Variants in NRXN3 observed in about 807,000 individuals in gnomAD.
NRXN3 encodes neurexin 3, also known as neurexin III.
In NRXN3, 32 loss-of-function variants were observed where a neutral mutation model predicts 137.6. That is an observed-to-expected ratio of 0.23 (90% CI 0.18 to 0.31). The LOEUF is 0.31. Ranked by LOEUF, NRXN3 falls within the 10% of genes least tolerant of loss-of-function variation. The pLI is 1.00. For missense variants in NRXN3, 1,574 were observed against 2,062.5 expected, an observed-to-expected ratio of 0.76 and a Z score of 4.59; for synonymous variants, 798 against 784.5, an observed-to-expected ratio of 1.02 and a Z score of -0.29.
chr14:79,359,209 A>G (rs910499572), intron 15 of NRXN3, among the ~76,000 whole-genome samples: 2 of 152,168 alleles, frequency 1.3e-5, no homozygotes, highest in Admixed American at 1.3e-4. Context: ...GTTCTCATTA[A>G]GTTCTGATTG....
chr14:78,308,107 A>G (rs1223148646), intron 4 of NRXN3, among the ~76,000 whole-genome samples: 2 of 151,382 alleles, frequency 1.3e-5, no homozygotes, highest in Non-Finnish European at 2.9e-5. Flanking sequence ...TTTTTTTATG[A>G]ATATAGAGAA....
chr14:79,303,775 C>A (rs2085542310), intron 15 of NRXN3, among the ~76,000 whole-genome samples: 1 of 151,964 alleles, frequency 6.6e-6, no homozygotes, highest in South Asian at 2.1e-4. Flanking sequence ...GCACTGTATC[C>A]AGTATAATAT....
chr14:78,830,937 C>A (rs2098979855), intron 10 of NRXN3, among the ~76,000 whole-genome samples: 2 of 152,082 alleles, frequency 1.3e-5, no homozygotes, highest in Non-Finnish European at 1.5e-5. Flanking sequence ...AAATGCTTAG[C>A]AAATATTTAA....
intron 19 of NRXN3, among the ~76,000 whole-genome samples, chr14:79,794,439 C>T (rs1019106039): frequency 7.2e-5 from 11 of 152,044 alleles, no homozygotes; most frequent in East Asian, 1.9e-4. Context: ...CTATCTTTCC[C>T]TTTCATGTCA....
chr14:78,897,923 A>G (rs544033242), intron 10 of NRXN3, among the ~76,000 whole-genome samples: 3 of 151,958 alleles, frequency 2.0e-5, no homozygotes, highest in Non-Finnish European at 4.4e-5. Flanking sequence ...TAATTTTTAC[A>G]TGGGTAACTC....
chr14:78,987,019 CAAAAAAAAAAAAAAA>C (rs36081362), intron 14 of NRXN3, among the ~76,000 whole-genome samples: 1 of 54,102 alleles, frequency 1.8e-5, no homozygotes, highest in Non-Finnish European at 4.2e-5. Flanking sequence ...GAGACTGTCT[CAAAAAAAAAAAAAAA>C]AAAAAAAAAG....
At chr14:79,718,579 T>G (rs1209985332) in intron 19 of NRXN3, among the ~76,000 whole-genome samples, 1 of 152,130 alleles carries the variant, frequency 6.6e-6, no homozygotes, top group Non-Finnish European at 1.5e-5. Context: ...TGATGAAGTT[T>G]GATTGTGGTT....
chr14:79,489,747 C>G (rs779008629), intron 16 of NRXN3, among the ~76,000 whole-genome samples: 6 of 152,040 alleles, frequency 3.9e-5, no homozygotes, highest in Non-Finnish European at 7.4e-5. Flanking sequence ...CTGCAAATAT[C>G]TGGTAATTTC....
chr14:79,275,711 A>C (rs2080173327), intron 15 of NRXN3, among the ~76,000 whole-genome samples: 1 of 151,162 alleles, frequency 6.6e-6, no homozygotes, highest in Non-Finnish European at 1.5e-5. Context: ...ACCCTGGGAC[A>C]TTCTCTTGCA....
chr14:78,732,648 A>C (rs144943626), intron 8 of NRXN3, among the ~76,000 whole-genome samples: 1 of 152,150 alleles, frequency 6.6e-6, no homozygotes, highest in Admixed American at 6.5e-5. Context: ...AGTCTCTTAG[A>C]CCAGGTAAGA....
intron 10 of NRXN3, among the ~76,000 whole-genome samples, chr14:78,813,142 AC>A (rs2098919737): frequency 6.6e-6 from 1 of 152,232 alleles, no homozygotes; most frequent in Non-Finnish European, 1.5e-5. Context: ...TAAGAAAAAA[AC>A]ATAAGAATTC....
rs567035798 is a variant in NRXN3 at position 79,456,398 on chromosome 14, T to A, written c.3263-10823T>A. On this transcript the variant is annotated intron_variant, in intron 15 of 20. Transcript: ENST00000335750. ...TGAAAGAACCCAAATTTGAACTAGC[T>A]TAGACTACATGAGTTAGCTATTAAA... Among the ~76,000 whole-genome samples, 7 of 152,274 alleles carry A rather than the reference T, an allele frequency of 4.6e-5. No individual in the cohort carries two copies. In the East Asian group the frequency reaches 1.4e-3, roughly 29 times the overall value.
intron 12 of NRXN3, among the ~76,000 whole-genome samples, 185 bp from the exon 13 acceptor site, chr14:78,967,023 A>G (rs1402688847): frequency 1.3e-5 from 2 of 152,196 alleles, no homozygotes; most frequent in Non-Finnish European, 2.9e-5. Context: ...GTATGGAATT[A>G]TAGTGAAGCA....
chr14:79,779,806 C>T (rs1603484943), intron 19 of NRXN3, among the ~76,000 whole-genome samples: 1 of 152,300 alleles, frequency 6.6e-6, no homozygotes, highest in East Asian at 1.9e-4. Context: ...CAACTCATTT[C>T]TTAATAAGGC....
At position 79,353,917 on chromosome 14, in the gene NRXN3, A is replaced by G. The variant is rs140997840; in HGVS notation, c.3263-113304A>G. Among the ~76,000 whole-genome samples the G allele has an allele frequency of 4.8e-4, 73 of 152,288 alleles. 1 individual carries two copies. Among genetic ancestry groups the G allele is most frequent in the Middle Eastern group, 3.4e-3 (1 of 294 alleles). ...TTATAATTAGGGAGTAAATTTGGTC[A>G]TCAACTCGGATAAGGCAATGGGCAA... On this transcript the variant is annotated intron_variant, in intron 15 of 20. Coordinates refer to ENST00000335750, the MANE Select transcript of NRXN3 (RefSeq NM_001330195.2).
intron 14 of NRXN3, among the ~76,000 whole-genome samples, chr14:78,973,508 G>A (rs578032089): frequency 6.6e-6 from 1 of 152,206 alleles, no homozygotes; most frequent in African/African-American, 2.4e-5. Flanking sequence ...TTTTCTATTG[G>A]GGATTTTGGT....
intron 16 of NRXN3, among the ~76,000 whole-genome samples, chr14:79,612,335 G>T (rs1004563632): frequency 6.6e-6 from 1 of 152,244 alleles, no homozygotes; most frequent in Non-Finnish European, 1.5e-5. Context: ...AGAGCTGGTC[G>T]GGTGTCTCTG....
chr14:79,588,449 C>T (rs192016328), intron 16 of NRXN3, among the ~76,000 whole-genome samples: 3 of 152,196 alleles, frequency 2.0e-5, no homozygotes, highest in Non-Finnish European at 4.4e-5. Context: ...CCAGCTATAT[C>T]CTGTTAGTTT....
chr14:79,361,991 TTTATAATTATTATTATTATTA>T (rs1027491476), intron 15 of NRXN3, among the ~76,000 whole-genome samples: 12 of 94,040 alleles, frequency 1.3e-4, no homozygotes, highest in African/African-American at 4.2e-4. Flanking sequence ...TCATTCTACT[TTTATAATTATTATTATTATTA>T]TTATTATTAT....
Sources: gnomAD v4.1 joint callset for allele counts (sites outside exome capture counted in the v4.1 genomes callset) on GRCh38, gnomAD v4.1.1 for gene constraint, MANE v1.5 for transcripts, NCBI Gene and HGNC (gene_info 2026-07-23, HGNC 2026-07-21) for gene names.